The following IL36B variants were observed in gnomAD, a reference collection of about 807,000 sequenced individuals.
IL36B encodes the protein interleukin-36 beta.
In IL36B, 23 loss-of-function variants were observed where a neutral mutation model predicts 19.3. That is an observed-to-expected ratio of 1.19 (90% CI 0.86 to 1.69). The LOEUF is 1.69. Ranked by LOEUF, IL36B falls within the 40% of genes most tolerant of loss-of-function variation. The pLI is 0.00. For missense variants in IL36B, 217 were observed against 200.5 expected, an observed-to-expected ratio of 1.08 and a Z score of -0.50; for synonymous variants, 59 against 59.7, an observed-to-expected ratio of 0.99 and a Z score of 0.05.
chr2:113,027,671 G>A, intron 4 of IL36B: 1 of 1,366,942 alleles, frequency 7.3e-7, no homozygotes, highest in South Asian at 1.6e-5. Context: ...GTAAGATCAA[G>A]AAAGAATGGA....
At position 113,031,752 on chromosome 2, in the gene IL36B, A is replaced by G. The variant is rs748385178; in HGVS notation, c.-43T>C. On this transcript the variant is annotated 5_prime_UTR_variant, in exon 2 of 6. Coordinates refer to ENST00000259213, the MANE Select transcript of IL36B (RefSeq NM_014438.5). ...TTGTGAAGAGAACAAGATAGATCAG[A>G]TGGTGGTGAGGAGGCTGTTAACAGT... The G allele has an allele frequency of 1.3e-6, 2 of 1,550,274 alleles. No homozygotes were observed. The highest frequency in any genetic ancestry group is 1.8e-6 in the Non-Finnish European group (2 of 1,124,288).
chr2:113,048,042 C>T (rs979902898), intron 1 of IL36B, among the ~76,000 whole-genome samples: 4 of 152,204 alleles, frequency 2.6e-5, no homozygotes, highest in South Asian at 4.2e-4. Flanking sequence ...GATAAAAACA[C>T]GCCAGGTAAA....
intron 1 of IL36B, among the ~76,000 whole-genome samples, chr2:113,036,730 C>T (rs1685173285): frequency 6.6e-6 from 1 of 152,186 alleles, no homozygotes; most frequent in African/African-American, 2.4e-5. Context: ...TTTGATCCTG[C>T]CCAGAGCGCC....
chr2:113,031,318 T>A (rs896019463), intron 2 of IL36B, among the ~76,000 whole-genome samples, 163 bp from the exon 3 acceptor site: 1 of 152,128 alleles, frequency 6.6e-6, no homozygotes, highest in African/African-American at 2.4e-5. Flanking sequence ...CAGGGACTAG[T>A]TTGTGAATCA....
intron 1 of IL36B, among the ~76,000 whole-genome samples, chr2:113,051,200 G>A (rs2105060468): frequency 6.6e-6 from 1 of 152,358 alleles, no homozygotes; most frequent in African/African-American, 2.4e-5. Flanking sequence ...AGCTCAGCCA[G>A]TGCCTAGCCC....
At chr2:113,042,456 C>A (rs186027654) in intron 1 of IL36B, among the ~76,000 whole-genome samples, 12 of 152,306 alleles carry the variant, frequency 7.9e-5, no homozygotes, top group Admixed American at 2.6e-4. Context: ...CCCAAAGAGT[C>A]TTCATGTCTC....
intron 1 of IL36B, among the ~76,000 whole-genome samples, chr2:113,035,755 A>G (rs1280626020): frequency 1.3e-5 from 2 of 152,216 alleles, no homozygotes; most frequent in Non-Finnish European, 1.5e-5. Context: ...CCCAAGAGTC[A>G]TGGAATAATG....
chr2:113,022,900 C>T (rs1458164871), intron 5 of IL36B: 2 of 639,404 alleles, frequency 3.1e-6, no homozygotes, highest in South Asian at 1.8e-5. Flanking sequence ...TTGGAGTTTG[C>T]CTTCCTCTCA....
chr2:113,024,199 G>A (rs1684911922), intron 5 of IL36B, among the ~76,000 whole-genome samples: 1 of 152,002 alleles, frequency 6.6e-6, no homozygotes, highest in Admixed American at 6.6e-5. Context: ...AATAGTCCTG[G>A]GCCTGAGGAC....
intron 1 of IL36B, among the ~76,000 whole-genome samples, chr2:113,044,322 T>C (rs1040061329): frequency 6.9e-6 from 1 of 145,698 alleles, no homozygotes; most frequent in Non-Finnish European, 1.5e-5. Flanking sequence ...TTAGAAACAT[T>C]GCTCTGTTGC....
intron 5 of IL36B, among the ~76,000 whole-genome samples, chr2:113,024,916 C>A (rs1684927696): frequency 6.6e-6 from 1 of 152,204 alleles, no homozygotes; most frequent in Admixed American, 6.5e-5. Flanking sequence ...CTCTCATGGC[C>A]ATCCTTGAGG....
chr2:113,031,664 T>C, intron 2 of IL36B, 33 bp downstream of exon 2: 1 of 1,586,470 alleles, frequency 6.3e-7, no homozygotes, highest in East Asian at 2.2e-5. Flanking sequence ...CAGATGGAGA[T>C]ATTTCCAAGC....
At chr2:113,047,923 A>G (rs569958226) in intron 1 of IL36B, among the ~76,000 whole-genome samples, 112 of 152,324 alleles carry the variant, frequency 7.4e-4, no homozygotes, top group African/African-American at 2.7e-3. Flanking sequence ...ATGTTAACTC[A>G]GGAGAAGACA....
rs200588299 is a variant in IL36B, at chr2:113,040,990, TA to T, written c.-57-9225del. Among the ~76,000 whole-genome samples, 10 of 152,036 alleles carry T rather than the reference TA, an allele frequency of 6.6e-5. No individual in the cohort carries two copies. In the East Asian group the frequency reaches 7.7e-4, roughly 12 times the overall value. On this transcript the variant is annotated intron_variant, in intron 1 of 5. Transcript: ENST00000259213. The stretch of plus-strand genomic sequence containing the variant: ...GGGCAACTTAGCAACACCCTGTCTC[TA>T]AAAAAACACAAAGATTAGTGGGGCA...
rs371302569 is a variant in IL36B, at chr2:113,031,187, G to A, written c.14-32C>T. The A allele has an allele frequency of 5.8e-4, 858 of 1,475,438 alleles. 5 individuals are homozygous for A. In the Middle Eastern group the frequency reaches 9.1e-3, roughly 16 times the overall value. 91.4% of individuals were successfully genotyped at this position (1,475,438 alleles called of 1,614,324 possible). On this transcript the variant is annotated intron_variant, in intron 2 of 5. Transcript: ENST00000259213. ...GATGACAAAAATGCACAAAATACAC[G>A]TGAGGTTATCAACTTCAGGACTCCA...
At chr2:113,034,128 C>G (rs1685126205) in intron 1 of IL36B, among the ~76,000 whole-genome samples, 1 of 152,168 alleles carries the variant, frequency 6.6e-6, no homozygotes, top group Non-Finnish European at 1.5e-5. Flanking sequence ...AACCAAAGCC[C>G]TCACCAAGCC....
At chr2:113,041,567 T>G (rs1214612798) in intron 1 of IL36B, among the ~76,000 whole-genome samples, 1 of 69,744 alleles carries the variant, frequency 1.4e-5, no homozygotes, top group African/African-American at 1.0e-4. Flanking sequence ...CAGAAAGAAA[T>G]AACCATGAAA....
At chr2:113,031,274 A>G (rs141388054) in intron 2 of IL36B, 119 bp from the exon 3 acceptor site, 47 of 712,706 alleles carry the variant, frequency 6.6e-5, no homozygotes, top group Admixed American at 1.7e-4. Flanking sequence ...TCTGAGAAGT[A>G]GTGGCTATAA....
intron 1 of IL36B, among the ~76,000 whole-genome samples, chr2:113,037,988 G>C (rs972106372): frequency 1.2e-4 from 19 of 152,322 alleles, no homozygotes; most frequent in South Asian, 2.1e-4. Context: ...AATTAGGGCA[G>C]ATCTGAATAA....
Sources: allele counts gnomAD v4.1 joint callset (sites outside exome capture counted in the v4.1 genomes callset), GRCh38; gene constraint gnomAD v4.1.1; transcripts MANE v1.5; gene names NCBI Gene and HGNC (gene_info 2026-07-23, HGNC 2026-07-21).